Variants in SPATA21 observed in about 807,000 individuals in gnomAD.
SPATA21 encodes spermatogenesis-associated protein 21.
In SPATA21, 47 loss-of-function variants were observed where a neutral mutation model predicts 54.8. The ratio of observed to expected loss-of-function variants is 0.86; its 90% CI spans 0.68 to 1.09. The LOEUF (loss-of-function observed/expected upper bound fraction) is 1.09. Among genes scored for constraint, SPATA21 ranks in the 50% least tolerant of loss-of-function variants. SPATA21 has a pLI of 0.00. For synonymous variants in SPATA21, 245 were observed against 235.3 expected (o/e 1.04, Z -0.38); for missense variants, 599 against 596.4 (o/e 1.00, Z -0.05).
intron 3 of SPATA21, among the ~76,000 whole-genome samples, chr1:16,429,949 G>C (rs1209558964): frequency 6.7e-6 from 1 of 150,164 alleles, no homozygotes; most frequent in Non-Finnish European, 1.5e-5. Flanking sequence ...CGGATCACTT[G>C]GGGTCAGGAG....
At position 16,404,056 on chromosome 1, in the gene SPATA21, A is replaced by G. The variant is rs767057322; in HGVS notation, c.812-17T>C. The G allele has an allele frequency of 1.9e-6, 3 of 1,552,006 alleles. No individual in the cohort carries two copies. The highest frequency in any genetic ancestry group is 4.9e-5 in the East Asian group (2 of 40,992). On this transcript the variant is annotated splice_polypyrimidine_tract_variant and intron_variant, in intron 8 of 12. Coordinates refer to ENST00000335496, the MANE Select transcript of SPATA21 (RefSeq NM_198546.1). Reference sequence around the variant, plus strand: ...GACCATCTCCTGTGGAGGCCAGAGGAGTAGGGTGGGCAGGGACCTTCGGAG... The same window carrying G: ...GACCATCTCCTGTGGAGGCCAGAGGGGTAGGGTGGGCAGGGACCTTCGGAG...
intron 3 of SPATA21, among the ~76,000 whole-genome samples, chr1:16,423,186 G>T (rs2086219310): frequency 6.7e-6 from 1 of 148,782 alleles, no homozygotes; most frequent in Admixed American, 6.8e-5. Flanking sequence ...GCCTAAGTGG[G>T]TGGATCACAC....
At position 16,409,782 on chromosome 1, in the gene SPATA21, C is replaced by T; in HGVS notation, c.406G>A (p.Ala136Thr). 6.2e-7 allele frequency: 1 copy of T among 1,602,980 alleles called. No individual in the cohort carries two copies. Among genetic ancestry groups the T allele is most frequent in the East Asian group, 2.2e-5 (1 of 44,790 alleles). Residue 136 changes from alanine to threonine, a missense_variant, in exon 6 of 13, where the codon GCC (alanine) becomes ACC (threonine). Transcript: ENST00000335496. This position sits in a 1 kb window ranked among gnomAD's most constrained non-coding sequence, Gnocchi z 4.1. ...AGCCGGGCCCACGATGGGCCGCTGG[C>T]AGGGACCGAGGCAGGGGTCTGAGGC... ...SLPQTPASVPASGPSWARLPA... is the reference protein window; with the variant it reads ...SLPQTPASVPTSGPSWARLPA...
intron 10 of SPATA21, among the ~76,000 whole-genome samples, chr1:16,401,608 A>C (rs1340625425): frequency 1.3e-5 from 2 of 152,084 alleles, no homozygotes; most frequent in Non-Finnish European, 2.9e-5. Context: ...ATTACCTATG[A>C]TTTTATCACT....
intron 3 of SPATA21, among the ~76,000 whole-genome samples, chr1:16,423,609 T>C (rs914324039): frequency 2.8e-5 from 4 of 142,404 alleles, no homozygotes; most frequent in Admixed American, 2.2e-4. Context: ...ACTGGCATGA[T>C]CTCAGCTCAC....
chr1:16,435,756 C>T (rs1046603623), intron 1 of SPATA21, among the ~76,000 whole-genome samples: 1 of 151,990 alleles, frequency 6.6e-6, no homozygotes, highest in Non-Finnish European at 1.5e-5. Context: ...GCTGGGATTA[C>T]ATGCATGAGT....
At chr1:16,431,537 A>G (rs1570222371) in intron 2 of SPATA21, 115 bp from the exon 3 acceptor site, 1 of 950,444 alleles carries the variant, frequency 1.1e-6, no homozygotes, top group East Asian at 2.6e-5. Context: ...AGGCGGGGCC[A>G]GGCCTTGCAA....
At chr1:16,424,442 C>T (rs1383515008) in intron 3 of SPATA21, among the ~76,000 whole-genome samples, 1 of 150,068 alleles carries the variant, frequency 6.7e-6, no homozygotes, top group African/African-American at 2.5e-5. Flanking sequence ...TTTTTTGAGA[C>T]AGGGTTTCAC....
intron 1 of SPATA21, among the ~76,000 whole-genome samples, chr1:16,435,333 T>C (rs1489860393): frequency 1.3e-5 from 2 of 152,050 alleles, no homozygotes; most frequent in Non-Finnish European, 2.9e-5. Flanking sequence ...CCTTTTTTTT[T>C]TGAGATGGAG....
chr1:16,399,993 G>T (rs888441397), intron 11 of SPATA21, among the ~76,000 whole-genome samples: 2 of 152,042 alleles, frequency 1.3e-5, no homozygotes, highest in Non-Finnish European at 2.9e-5. Flanking sequence ...CTAGTTAGGG[G>T]CATTGGGCAA....
In SPATA21 at chr1:16,421,629, A is replaced by G; in HGVS notation, c.96-72T>C. 6.8e-7 allele frequency: 1 copy of G among 1,473,602 alleles called. No homozygotes were observed. Among genetic ancestry groups the G allele is most frequent in the Non-Finnish European group, 9.3e-7 (1 of 1,080,506 alleles). The allele number at this position is 1,473,602 out of a possible 1,614,324, so 91.3% of individuals were successfully genotyped here. A position where few individuals can be genotyped will look rare whatever the true frequency, so the allele number is the denominator to read the frequency against. On this transcript the variant is annotated intron_variant, in intron 4 of 12. Transcript: ENST00000335496. The surrounding 1 kb of genome is among the most constrained non-coding windows in gnomAD (Gnocchi z 5.2). ...GTTTGCCCCCCTGCCCTCCCCTCTC[A>G]GCCCCCAGGACACTCAGTTCCACCC...
At chr1:16,423,489 C>T (rs2086230705) in intron 3 of SPATA21, among the ~76,000 whole-genome samples, 1 of 145,094 alleles carries the variant, frequency 6.9e-6, no homozygotes, top group Non-Finnish European at 1.5e-5. Flanking sequence ...ACCAAAAGAA[C>T]AACATGTTGA....
At chr1:16,412,831 C>A (rs1288676131) in intron 5 of SPATA21, among the ~76,000 whole-genome samples, 3 of 152,058 alleles carry the variant, frequency 2.0e-5, no homozygotes, top group Non-Finnish European at 4.4e-5. Context: ...TGCTCTGTCG[C>A]CAGGCTGGAG....
chr1:16,396,130 T>C (rs1215152548), downstream of SPATA21: 2 of 152,592 alleles, frequency 1.3e-5, no homozygotes, highest in Non-Finnish European at 2.9e-5. Flanking sequence ...ACTTGTTTAG[T>C]ATTTTGCCAT....
intron 5 of SPATA21, among the ~76,000 whole-genome samples, chr1:16,412,076 G>A (rs988865220): frequency 6.6e-6 from 1 of 151,932 alleles, no homozygotes; most frequent in African/African-American, 2.4e-5. Context: ...CTAGACACCC[G>A]CCCCTCACTG....
In SPATA21 at chr1:16,400,880, T is replaced by C. The variant is rs767185188; in HGVS notation, c.1014A>G (p.Lys338=). 2.5e-6 allele frequency: 4 copies of C among 1,612,440 alleles called. No individual in the cohort carries two copies. Among genetic ancestry groups the C allele is most frequent in the South Asian group, 2.2e-5 (2 of 91,036 alleles). ...VLEEITNYYQ[K]KLKEGTCKAQ... ...CCTTGCAGGTGCCTTCCTTCAGCTTTTTCTGGTAGTAGCTGGGGAGGCAGT... is the reference window on the plus strand; with the variant it reads ...CCTTGCAGGTGCCTTCCTTCAGCTTCTTCTGGTAGTAGCTGGGGAGGCAGT... The change falls in exon 11 of 13, where the codon AAA becomes AAG. Residue 338 remains lysine (K), a synonymous_variant. Coordinates refer to ENST00000335496, the MANE Select transcript of SPATA21 (RefSeq NM_198546.1).
At chr1:16,418,074 C>T (rs756992029) in intron 5 of SPATA21, among the ~76,000 whole-genome samples, 1 of 152,196 alleles carries the variant, frequency 6.6e-6, no homozygotes, top group African/African-American at 2.4e-5. Flanking sequence ...CAGGGGCCCT[C>T]CCCGGCTTTC....
chr1:16,409,920 G>T lies in SPATA21; in HGVS notation c.268C>A (p.Leu90Met). 6.2e-7 allele frequency: 1 copy of T among 1,613,956 alleles called. No individual in the cohort carries two copies. Among genetic ancestry groups the T allele is most frequent in the South Asian group, 1.1e-5 (1 of 91,072 alleles). Reference sequence around the variant, plus strand: ...GAGGCCTCCATTTTCTCCACCTCCAGCAAGCACTTCATGAAGCCCTGCCGG... The same window carrying T: ...GAGGCCTCCATTTTCTCCACCTCCATCAAGCACTTCATGAAGCCCTGCCGG... ...NFRQGFMKCL[L>M]EVEKMEASHR... The change falls in exon 6 of 13, where the codon CTG becomes ATG. Residue 90 changes from leucine to methionine, a missense_variant. By Grantham distance (15) the Leu-to-Met change is conservative. Coordinates refer to ENST00000335496, the MANE Select transcript of SPATA21 (RefSeq NM_198546.1). The surrounding 1 kb of genome is among the most constrained non-coding windows in gnomAD (Gnocchi z 4.1).
At chr1:16,399,671 G>A (rs530984619) in intron 11 of SPATA21, 150 bp from the exon 12 acceptor site, 1 of 858,188 alleles carries the variant, frequency 1.2e-6, no homozygotes, top group African/African-American at 1.7e-5. Context: ...CTGAGCTGGA[G>A]GTGATAGTGG....
Sources: allele counts gnomAD v4.1 joint callset (sites outside exome capture counted in the v4.1 genomes callset), GRCh38; gene constraint gnomAD v4.1.1; non-coding constraint Gnocchi (gnomAD v3.1); transcripts MANE v1.5; gene names NCBI Gene and HGNC (gene_info 2026-07-23, HGNC 2026-07-21).